The following PDE4D variants were observed in gnomAD, a reference collection of about 807,000 sequenced individuals.
PDE4D encodes 3',5'-cyclic-AMP phosphodiesterase 4D.
A neutral mutation model predicts 87.4 loss-of-function variants in PDE4D; 24 were observed. That is an observed-to-expected ratio of 0.27 (90% CI 0.20 to 0.39). The LOEUF (loss-of-function observed/expected upper bound fraction) is 0.39. Ranked by LOEUF, PDE4D falls within the 10% of genes least tolerant of loss-of-function variation. PDE4D has a pLI of 1.00. For synonymous variants in PDE4D, 384 were observed against 383.2 expected (o/e 1.00, Z -0.02); for missense variants, 714 against 1,041.0 (o/e 0.69, Z 4.32).
chr5:60,208,605 T>C (rs930428887), intron 1 of PDE4D, among the ~76,000 whole-genome samples: 4 of 152,152 alleles, frequency 2.6e-5, no homozygotes, highest in African/African-American at 9.7e-5. Context: ...CAGCACCAGG[T>C]ATGCTTTCCC....
intron 1 of PDE4D, among the ~76,000 whole-genome samples, chr5:59,306,503 T>G (rs1367756937): frequency 6.6e-6 from 1 of 152,190 alleles, no homozygotes; most frequent in Non-Finnish European, 1.5e-5. Context: ...TTACAGGTCC[T>G]TTGTGATTTA....
chr5:59,581,955 G>C (rs1561260206), intron 1 of PDE4D, among the ~76,000 whole-genome samples: 2 of 152,082 alleles, frequency 1.3e-5, no homozygotes, highest in Non-Finnish European at 2.9e-5. Flanking sequence ...TTGAGCCCTA[G>C]GGATTTGTGA....
chr5:60,465,398 C>T (rs1482669222), intron 1 of PDE4D, among the ~76,000 whole-genome samples: 5 of 152,226 alleles, frequency 3.3e-5, no homozygotes, highest in Non-Finnish European at 2.9e-5. Context: ...ACATATTATT[C>T]CACTTGTATA....
Position 60,173,293 on chromosome 5 carries a change from G to A in PDE4D, c.42+12264C>T, listed in dbSNP as rs150662108. Among the ~76,000 whole-genome samples, 37 of 152,070 alleles carry A rather than the reference G, an allele frequency of 2.4e-4. No homozygotes were observed. The East Asian group carries it at 6.4e-3, about 26-fold the overall frequency. On this transcript the variant is annotated intron_variant, in intron 2 of 16. Coordinates refer to the PDE4D transcript ENST00000502484. The stretch of plus-strand genomic sequence containing the variant: ...CTAATCTGTCTAAGGCTCATAAAAT[G>A]AGGATAAATATAACTGCCTTTCCTA...
At chr5:60,020,548 C>T (rs534811306) in intron 2 of PDE4D, among the ~76,000 whole-genome samples, 2 of 152,242 alleles carry the variant, frequency 1.3e-5, no homozygotes, top group Admixed American at 6.5e-5. Context: ...TACACACACA[C>T]AGCCTATTGG....
chr5:59,996,277 A>T (rs1181741845), intron 2 of PDE4D, among the ~76,000 whole-genome samples: 1 of 152,188 alleles, frequency 6.6e-6, no homozygotes, highest in African/African-American at 2.4e-5. Flanking sequence ...TAGGCAGAGG[A>T]TGTGTTTTGT....
intron 1 of PDE4D, among the ~76,000 whole-genome samples, chr5:59,841,999 G>A (rs1743089074): frequency 6.6e-6 from 1 of 152,044 alleles, no homozygotes. Context: ...CTTTGCCTAG[G>A]TGATATGTTG....
rs142830538 is a variant in PDE4D at position 59,035,708 on chromosome 5, T to G, written c.921+3151A>C. On this transcript the variant is annotated intron_variant, in intron 6 of 14. Transcript: ENST00000340635. ...AAAAAAATTGAAGTCATTTCTCTAA[T>G]GTAACTCCATTAGCAAGAAACAAAA... Among the ~76,000 whole-genome samples, 248 of 152,330 alleles carry G rather than the reference T, an allele frequency of 1.6e-3. 1 individual carries two copies. The highest frequency in any genetic ancestry group is 5.7e-3 in the African/African-American group (238 of 41,578).
intron 1 of PDE4D, among the ~76,000 whole-genome samples, chr5:59,631,073 G>C (rs763022279): frequency 6.6e-6 from 1 of 152,090 alleles, no homozygotes; most frequent in Non-Finnish European, 1.5e-5. Flanking sequence ...ATGGCTCCTA[G>C]AATAAAAAAT....
At chr5:59,401,067 T>A (rs1790523670) in intron 1 of PDE4D, among the ~76,000 whole-genome samples, 1 of 152,200 alleles carries the variant, frequency 6.6e-6, no homozygotes, top group East Asian at 1.9e-4. Context: ...ACACAAACTT[T>A]GTTTCATGCA....
chr5:59,615,503 TAA>T (rs1829550712), intron 1 of PDE4D, among the ~76,000 whole-genome samples: 1 of 152,276 alleles, frequency 6.6e-6, no homozygotes, highest in African/African-American at 2.4e-5. Flanking sequence ...AAAAAGTGGG[TAA>T]AGAGTCAAAT....
At chr5:60,030,593 A>G (rs1767141405) in intron 2 of PDE4D, among the ~76,000 whole-genome samples, 1 of 152,254 alleles carries the variant, frequency 6.6e-6, no homozygotes, top group South Asian at 2.1e-4. Context: ...CACATTCTGA[A>G]GTCAGCATAA....
At chr5:60,159,892 T>C (rs906422828) in intron 2 of PDE4D, among the ~76,000 whole-genome samples, 4 of 152,204 alleles carry the variant, frequency 2.6e-5, no homozygotes, top group Admixed American at 2.0e-4. Flanking sequence ...TACTTCCAAA[T>C]TTCTTTGTGT....
intron 1 of PDE4D, among the ~76,000 whole-genome samples, chr5:59,614,471 T>C (rs1285028017): frequency 2.6e-5 from 4 of 152,234 alleles, no homozygotes; most frequent in African/African-American, 9.6e-5. Context: ...ATATGAGATA[T>C]GTGCAGCATT....
intron 6 of PDE4D, among the ~76,000 whole-genome samples, chr5:59,019,570 C>T (rs1261586808): frequency 2.0e-5 from 3 of 152,084 alleles, no homozygotes; most frequent in Non-Finnish European, 4.4e-5. Context: ...TGCCCACTAC[C>T]CTCCTCTCCA....
At chr5:60,284,096 T>C (rs1188074287) in intron 1 of PDE4D, among the ~76,000 whole-genome samples, 1 of 152,088 alleles carries the variant, frequency 6.6e-6, no homozygotes, top group Non-Finnish European at 1.5e-5. Flanking sequence ...GGAGACAAAT[T>C]TCTGTTAAAA....
intron 1 of PDE4D, among the ~76,000 whole-genome samples, chr5:59,566,932 T>G (rs1821037140): frequency 3.3e-5 from 5 of 152,160 alleles, no homozygotes; most frequent in Admixed American, 3.3e-4. Flanking sequence ...AATATTAGAC[T>G]GCAAACAAAG....
chr5:60,383,096 A>G (rs1195839160), intron 1 of PDE4D, among the ~76,000 whole-genome samples: 3 of 152,204 alleles, frequency 2.0e-5, no homozygotes, highest in African/African-American at 4.8e-5. Context: ...ACATTCTATA[A>G]TTATCATTTT....
chr5:60,265,916 A>AC (rs1750159539), intron 1 of PDE4D, among the ~76,000 whole-genome samples: 1 of 152,224 alleles, frequency 6.6e-6, no homozygotes, highest in Non-Finnish European at 1.5e-5. Flanking sequence ...AGCCCCATTT[A>AC]CATTAGTGAA....
Sources: allele counts gnomAD v4.1 joint callset (sites outside exome capture counted in the v4.1 genomes callset), GRCh38; gene constraint gnomAD v4.1.1; transcripts MANE v1.5; gene names NCBI Gene and HGNC (gene_info 2026-07-23, HGNC 2026-07-21).